NEMP2: variants seen among roughly 807,000 people sequenced by gnomAD.
NEMP2 encodes the protein UPF0571 transmembrane protein.
Under a neutral mutation model 54.2 loss-of-function variants are expected in NEMP2, and 53 were observed. That is an observed-to-expected ratio of 0.98 (90% CI 0.78 to 1.23). The LOEUF (loss-of-function observed/expected upper bound fraction) is 1.23. Ranked by LOEUF, NEMP2 falls within the 50% of genes most tolerant of loss-of-function variation. The pLI, the probability that NEMP2 is intolerant of heterozygous loss-of-function variation, is 0.00. For synonymous variants in NEMP2, 197 were observed against 190.3 expected (o/e 1.04, Z -0.29); for missense variants, 455 against 511.3 (o/e 0.89, Z 1.06).
the NEMP2 span, chr2:190,435,420 A>T: frequency 6.6e-6 from 1 of 152,350 alleles, no homozygotes; most frequent in Non-Finnish European, 1.5e-5. Flanking sequence ...CAATGTGAAG[A>T]CTCCTTCATT....
chr2:190,459,694 C>T, the NEMP2 span, among the ~76,000 whole-genome samples: 1 of 152,144 alleles, frequency 6.6e-6, no homozygotes, highest in Non-Finnish European at 1.5e-5. This position sits in a 1 kb window ranked among gnomAD's most constrained non-coding sequence, Gnocchi z 5.3. Context: ...AGCACAGTGA[C>T]CAGCACAGTG....
At chr2:190,451,059 T>G in the NEMP2 span, among the ~76,000 whole-genome samples, 1 of 152,194 alleles carries the variant, frequency 6.6e-6, no homozygotes, top group Admixed American at 6.5e-5. The surrounding 1 kb of genome is among the most constrained non-coding windows in gnomAD (Gnocchi z 5.0). Flanking sequence ...ACTCCAGTCA[T>G]CATCCTAAGC....
chr2:190,463,181 G>A, the NEMP2 span, among the ~76,000 whole-genome samples: 2 of 152,138 alleles, frequency 1.3e-5, no homozygotes, highest in Admixed American at 6.5e-5. The surrounding 1 kb of genome is among the most constrained non-coding windows in gnomAD (Gnocchi z 4.4). Context: ...CTGGGAGGAG[G>A]GGGACAGTTA....
At chr2:190,553,061 T>G in the NEMP2 span, among the ~76,000 whole-genome samples, 1 of 151,882 alleles carries the variant, frequency 6.6e-6, no homozygotes, top group East Asian at 1.9e-4. Flanking sequence ...TTTTTTTTTT[T>G]GTGAGGGGTT....
chr2:190,627,403 C>G, the NEMP2 span, among the ~76,000 whole-genome samples: 1 of 152,164 alleles, frequency 6.6e-6, no homozygotes, highest in Non-Finnish European at 1.5e-5. This position sits in a 1 kb window ranked among gnomAD's most constrained non-coding sequence, Gnocchi z 4.4. Context: ...TGACCATTCA[C>G]AAAAGGATAT....
the NEMP2 span, among the ~76,000 whole-genome samples, chr2:190,565,863 G>A: frequency 2.0e-5 from 3 of 152,176 alleles, no homozygotes; most frequent in African/African-American, 7.2e-5. Flanking sequence ...GACACACAGG[G>A]ACACCCACAT....
At chr2:190,482,630 C>T in the NEMP2 span, among the ~76,000 whole-genome samples, 1 of 151,968 alleles carries the variant, frequency 6.6e-6, no homozygotes, top group African/African-American at 2.4e-5. Flanking sequence ...CCAAGCCAAG[C>T]AACAGTTTAC....
At chr2:190,636,874 C>T in the NEMP2 span, among the ~76,000 whole-genome samples, 2 of 152,258 alleles carry the variant, frequency 1.3e-5, no homozygotes, top group Non-Finnish European at 2.9e-5. Flanking sequence ...CCACCCTCAA[C>T]TTCTTCCTCC....
At chr2:190,608,002 A>G in the NEMP2 span, 1 of 152,356 alleles carries the variant, frequency 6.6e-6, no homozygotes, top group Non-Finnish European at 1.5e-5. The surrounding 1 kb of genome is among the most constrained non-coding windows in gnomAD (Gnocchi z 4.9). Context: ...GTCCAAAAAT[A>G]TTAAATAGAA....
the NEMP2 span, among the ~76,000 whole-genome samples, chr2:190,494,236 G>T: frequency 6.6e-6 from 1 of 151,962 alleles, no homozygotes; most frequent in Non-Finnish European, 1.5e-5. This position sits in a 1 kb window ranked among gnomAD's most constrained non-coding sequence, Gnocchi z 5.7. Flanking sequence ...ACCTTTACAT[G>T]CATAAACTGG....
Position 190,509,832 on chromosome 2 carries a change from G to A in NEMP2, c.1131-520C>T, listed in dbSNP as rs533843428. 5.3e-5 allele frequency among the ~76,000 whole-genome samples: 8 copies of A among 152,356 alleles called. No homozygotes were observed. Among genetic ancestry groups the A allele is most frequent in the African/African-American group, 1.9e-4 (8 of 41,590 alleles). ...AGGCAGGCAGATCACGAGGTCAGGA[G>A]TTAGAGACCAGCCTGACCAACATGG... On this transcript the variant is annotated intron_variant, in intron 8 of 8. Coordinates refer to ENST00000409150, the MANE Select transcript of NEMP2 (RefSeq NM_001142645.2). The surrounding 1 kb of genome is among the most constrained non-coding windows in gnomAD (Gnocchi z 6.1).
the NEMP2 span, among the ~76,000 whole-genome samples, chr2:190,430,804 C>A: frequency 6.8e-6 from 1 of 146,336 alleles, no homozygotes; most frequent in South Asian, 2.4e-4. Context: ...AGGCGCCCCC[C>A]CCACCTCCCT....
chr2:190,446,781 G>C, the NEMP2 span, among the ~76,000 whole-genome samples: 3 of 152,280 alleles, frequency 2.0e-5, no homozygotes, highest in Non-Finnish European at 4.4e-5. Flanking sequence ...TGAATACTCG[G>C]TTCTGGTCTC....
the NEMP2 span, among the ~76,000 whole-genome samples, chr2:190,612,348 G>T: frequency 6.6e-6 from 1 of 151,890 alleles, no homozygotes; most frequent in Non-Finnish European, 1.5e-5. Context: ...TAGAGATGGG[G>T]TTTCACCATA....
the NEMP2 span, chr2:190,436,683 A>G: frequency 9.9e-6 from 16 of 1,614,088 alleles, no homozygotes; most frequent in East Asian, 3.6e-4. The surrounding 1 kb of genome is among the most constrained non-coding windows in gnomAD (Gnocchi z 5.3). Flanking sequence ...CAACAGCTCC[A>G]AACATGAACA....
intron 6 of NEMP2, among the ~76,000 whole-genome samples, 196 bp downstream of exon 6, chr2:190,516,074 T>A (rs1475174482): frequency 6.6e-6 from 1 of 152,172 alleles, no homozygotes; most frequent in Non-Finnish European, 1.5e-5. Context: ...AGGGAAATCA[T>A]CTAAAATGAG....
At chr2:190,647,580 C>T in the NEMP2 span, among the ~76,000 whole-genome samples, 1 of 152,104 alleles carries the variant, frequency 6.6e-6, no homozygotes, top group Non-Finnish European at 1.5e-5. Flanking sequence ...TGAATGCTCT[C>T]TAATCTTCAA....
At chr2:190,532,507 T>C (rs1489968762) in intron 1 of NEMP2, among the ~76,000 whole-genome samples, 4 of 152,148 alleles carry the variant, frequency 2.6e-5, no homozygotes, top group Non-Finnish European at 5.9e-5. Flanking sequence ...TGGGTGAAAA[T>C]TATGGGAAAC....
Position 190,519,868 on chromosome 2 carries a change from ACT to A in NEMP2, c.214-687_214-686del, listed in dbSNP as rs1690694757. On this transcript the variant is annotated intron_variant, in intron 2 of 8. Transcript: ENST00000409150. This position sits in a 1 kb window ranked among gnomAD's most constrained non-coding sequence, Gnocchi z 5.4. ...TTCTTACAAACGGAAGGTTTGTGCAACTCTGTGTCAGGCAAATCTACTGGCAC... is the reference window on the plus strand; with the variant it reads ...TTCTTACAAACGGAAGGTTTGTGCAACTGTGTCAGGCAAATCTACTGGCAC... Among the ~76,000 whole-genome samples, 1 of 152,186 alleles carries A rather than the reference ACT, an allele frequency of 6.6e-6. No homozygotes were observed. The highest frequency in any genetic ancestry group is 1.5e-5 in the Non-Finnish European group (1 of 68,036).
Sources: allele counts gnomAD v4.1 joint callset (sites outside exome capture counted in the v4.1 genomes callset), GRCh38; gene constraint gnomAD v4.1.1; non-coding constraint Gnocchi (gnomAD v3.1); transcripts MANE v1.5; gene names NCBI Gene and HGNC (gene_info 2026-07-23, HGNC 2026-07-21).